Variants in CADM2 observed in about 807,000 individuals in gnomAD.
CADM2 encodes the protein immunoglobulin superfamily member 4D.
In CADM2, 12 loss-of-function variants were observed where a neutral mutation model predicts 49.8. The observed-to-expected ratio is 0.24, with a 90% CI of 0.15 to 0.39. The LOEUF (loss-of-function observed/expected upper bound fraction) is 0.39, where lower values mean the gene tolerates loss of function less well. Ranked by LOEUF, CADM2 falls within the 10% of genes least tolerant of loss-of-function variation. The pLI is 1.00. For synonymous variants in CADM2, 214 were observed against 175.4 expected, an observed-to-expected ratio of 1.22 and a Z score of -1.74; for missense variants, 378 against 492.3, an observed-to-expected ratio of 0.77 and a Z score of 2.20.
chr3:85,159,377 G>T (rs902626768), intron 1 of CADM2, among the ~76,000 whole-genome samples: 19 of 149,500 alleles, frequency 1.3e-4, no homozygotes, highest in Non-Finnish European at 2.5e-4. Context: ...GGGATTTTAA[G>T]GGAATTGTGG....
In CADM2 at chr3:85,043,163, A is replaced by G. The variant is rs186899524; in HGVS notation, c.61+83495A>G. On this transcript the variant is annotated intron_variant, in intron 1 of 9. Coordinates refer to ENST00000383699, the MANE Select transcript of CADM2 (RefSeq NM_001167675.2). Reference sequence around the variant, plus strand: ...CAGATCCATTGCAACATCAATTCCAAGTCTTTAGTGATAAGAATTATTTTC... The same window carrying G: ...CAGATCCATTGCAACATCAATTCCAGGTCTTTAGTGATAAGAATTATTTTC... 1.4e-4 allele frequency among the ~76,000 whole-genome samples: 21 copies of G among 152,176 alleles called. 1 individual carries two copies. The East Asian group carries it at 4.1e-3, about 30-fold the overall frequency.
intron 1 of CADM2, among the ~76,000 whole-genome samples, chr3:85,246,926 T>C (rs780093767): frequency 6.6e-6 from 1 of 152,092 alleles, no homozygotes; most frequent in Non-Finnish European, 1.5e-5. Flanking sequence ...GTTTTATGGA[T>C]ATAGTACTTT....
At chr3:85,696,502 A>C (rs902940676) in intron 1 of CADM2, among the ~76,000 whole-genome samples, 1 of 152,036 alleles carries the variant, frequency 6.6e-6, no homozygotes, top group Non-Finnish European at 1.5e-5. Flanking sequence ...CAATTTTCCC[A>C]GGACCATTTA....
Position 85,573,944 on chromosome 3 carries a change from G to A in CADM2, c.62-152578G>A, listed in dbSNP as rs186652769. ...TCTACATATGCAACATGTGAAGCAT[G>A]TTTGAAATTTCAGCTTCTGCTTACC... On this transcript the variant is annotated intron_variant, in intron 1 of 9. Coordinates refer to ENST00000383699, the MANE Select transcript of CADM2 (RefSeq NM_001167675.2). 2.0e-5 allele frequency among the ~76,000 whole-genome samples: 3 copies of A among 152,126 alleles called. No homozygotes were observed. The East Asian group carries it at 5.8e-4, about 30-fold the overall frequency.
intron 8 of CADM2, among the ~76,000 whole-genome samples, chr3:86,044,648 A>G (rs1464777444): frequency 6.6e-6 from 1 of 152,132 alleles, no homozygotes; most frequent in African/African-American, 2.4e-5. Context: ...TGGAAGTCAG[A>G]GTGGCGATTC....
chr3:85,011,797 G>A (rs186260535), intron 1 of CADM2, among the ~76,000 whole-genome samples: 6 of 151,934 alleles, frequency 3.9e-5, no homozygotes, highest in Admixed American at 3.9e-4. Context: ...GGCTGAGGCA[G>A]GAGGATTACT....
chr3:85,125,563 T>G (rs988829342), intron 1 of CADM2, among the ~76,000 whole-genome samples: 1 of 152,160 alleles, frequency 6.6e-6, no homozygotes, highest in African/African-American at 2.4e-5. Context: ...TTTTGCCATG[T>G]GGCCCACGCT....
intron 6 of CADM2, among the ~76,000 whole-genome samples, chr3:85,920,280 AT>A (rs1718931576): frequency 6.6e-6 from 1 of 151,914 alleles, no homozygotes; most frequent in Non-Finnish European, 1.5e-5. Flanking sequence ...TATATATAGC[AT>A]AAGGGCACAG....
chr3:85,980,785 T>G lies in CADM2; in HGVS notation c.970+19138T>G. Among the ~76,000 whole-genome samples the G allele has an allele frequency of 1.3e-5, 2 of 151,594 alleles. 1 individual carries two copies. The highest frequency in any genetic ancestry group is 1.3e-4 in the Admixed American group (2 of 15,124). ...AATCATTGCATACTAACACAATATC[T>G]GCTATACTATTAAGTTCTGACTATA... On this transcript the variant is annotated intron_variant, in intron 8 of 9. Transcript: ENST00000383699.
chr3:85,417,439 T>G (rs770710556), intron 1 of CADM2, among the ~76,000 whole-genome samples: 116 of 152,242 alleles, frequency 7.6e-4, no homozygotes, highest in Non-Finnish European at 1.3e-3. Flanking sequence ...GGATTTTCAG[T>G]TGTCTATATT....
chr3:85,430,206 A>C (rs149038033), intron 1 of CADM2, among the ~76,000 whole-genome samples: 1 of 152,318 alleles, frequency 6.6e-6, no homozygotes, highest in East Asian at 1.9e-4. Flanking sequence ...GGTACTTCAG[A>C]AAGACTAGGG....
intron 1 of CADM2, among the ~76,000 whole-genome samples, chr3:84,998,876 TTTTA>T (rs1266609581): frequency 1.5e-4 from 23 of 152,278 alleles, no homozygotes; most frequent in African/African-American, 5.5e-4. Context: ...CAAAAAAATA[TTTTA>T]TTTGTTACAT....
At chr3:85,893,877 G>T (rs994012808) in intron 5 of CADM2, among the ~76,000 whole-genome samples, 1 of 152,142 alleles carries the variant, frequency 6.6e-6, no homozygotes, top group Non-Finnish European at 1.5e-5. Context: ...GGAGAAATAG[G>T]AACACTTTTA....
At chr3:86,033,158 G>T (rs1233816080) in intron 8 of CADM2, among the ~76,000 whole-genome samples, 1 of 151,330 alleles carries the variant, frequency 6.6e-6, no homozygotes, top group Non-Finnish European at 1.5e-5. Flanking sequence ...GAATTCAGTG[G>T]TTGAAGACAG....
At chr3:85,701,973 TAGATAG>T (rs2066783669) in intron 1 of CADM2, among the ~76,000 whole-genome samples, 2 of 32,684 alleles carry the variant, frequency 6.1e-5, no homozygotes, top group Non-Finnish European at 1.1e-4. Flanking sequence ...TAGATAGACA[TAGATAG>T]ATAGATAGAT....
At chr3:85,468,473 T>A (rs1576610439) in intron 1 of CADM2, among the ~76,000 whole-genome samples, 1 of 152,242 alleles carries the variant, frequency 6.6e-6, no homozygotes, top group East Asian at 1.9e-4. Flanking sequence ...GAAAAAACCA[T>A]CAAATAATCA....
intron 7 of CADM2, 38 bp from the exon 8 acceptor site, chr3:85,961,431 T>C (rs749558125): frequency 6.8e-7 from 1 of 1,469,116 alleles, no homozygotes; most frequent in Non-Finnish European, 9.2e-7. Flanking sequence ...TTAACATTTC[T>C]TATTTTTGCT....
intron 1 of CADM2, among the ~76,000 whole-genome samples, chr3:85,390,010 C>G (rs1306052019): frequency 6.6e-6 from 1 of 151,650 alleles, no homozygotes; most frequent in Non-Finnish European, 1.5e-5. Flanking sequence ...AAGCCACAAT[C>G]GGCATAGTAA....
intron 1 of CADM2, among the ~76,000 whole-genome samples, chr3:85,231,155 A>C (rs1164285292): frequency 6.6e-6 from 1 of 152,064 alleles, no homozygotes; most frequent in Non-Finnish European, 1.5e-5. Flanking sequence ...ACCTCATTTT[A>C]CCTTAATTAC....
Sources: allele counts gnomAD v4.1 joint callset (sites outside exome capture counted in the v4.1 genomes callset), GRCh38; gene constraint gnomAD v4.1.1; transcripts MANE v1.5; gene names NCBI Gene and HGNC (gene_info 2026-07-23, HGNC 2026-07-21).